VAC14: variants seen among roughly 807,000 people sequenced by gnomAD.
VAC14 encodes protein VAC14 homolog.
In VAC14, 47 loss-of-function variants were observed where a neutral mutation model predicts 85.3. The ratio of observed to expected loss-of-function variants is 0.55; its 90% confidence interval spans 0.44 to 0.70. The LOEUF is 0.70. Among genes scored for constraint, VAC14 ranks in the 30% least tolerant of loss-of-function variants. The pLI is 0.00. For missense variants in VAC14, 861 were observed against 1,004.3 expected (o/e 0.86, Z 1.93); for synonymous variants, 447 against 430.5 (o/e 1.04, Z -0.47).
intron 14 of VAC14, among the ~76,000 whole-genome samples, chr16:70,723,067 T>G (rs1204416940): frequency 2.0e-5 from 3 of 151,846 alleles, no homozygotes; most frequent in Admixed American, 6.6e-5. Context: ...AATACAAAAA[T>G]TAGCCAGGCA....
chr16:70,785,751 C>A lies in VAC14; in HGVS notation c.374G>T (p.Arg125Leu). 6.4e-7 allele frequency: 1 copy of A among 1,574,504 alleles called. No homozygotes were observed. Residue 125 changes from arginine (R) to leucine (L), a missense_variant, in exon 3 of 19, where the codon CGG (arginine) becomes CTG (leucine). Physicochemically the swap from Arg to Leu is moderately radical, Grantham distance 102. This residue lies in a region of VAC14 where 629 missense variants were observed against 703.1 expected (regional missense o/e 0.89). Transcript: ENST00000261776. ...EALYNIVKVA[R>L]GAVLPHFNVL... ...GTTGAAGTGGGGCAGCACAGCGCCCCGGGCCACCTTGACGATGTTGTAGAG... is the reference window on the plus strand; with the variant it reads ...GTTGAAGTGGGGCAGCACAGCGCCCAGGGCCACCTTGACGATGTTGTAGAG...
At chr16:70,692,502 G>A (rs2053616570) in intron 18 of VAC14, among the ~76,000 whole-genome samples, 1 of 152,192 alleles carries the variant, frequency 6.6e-6, no homozygotes, top group South Asian at 2.1e-4. Flanking sequence ...AGGGTCCTCT[G>A]TCTGGGTAAC....
Position 70,753,035 on chromosome 16 carries a change from T to C in VAC14, c.1372-8456A>G, listed in dbSNP as rs527349838. Among the ~76,000 whole-genome samples, 7 of 152,020 alleles carry C rather than the reference T, an allele frequency of 4.6e-5. No homozygotes were observed. The East Asian group carries it at 1.4e-3, about 29-fold the overall frequency. ...GGGTGTGTGTGTGTGTGTGTGTGTG[T>C]GTGTGTGTGTGTCAGACAGATGGAC... On this transcript the variant is annotated intron_variant, in intron 12 of 18. Transcript: ENST00000261776.
chr16:70,698,278 G>T (rs527464717), intron 15 of VAC14, among the ~76,000 whole-genome samples: 34 of 152,306 alleles, frequency 2.2e-4, no homozygotes, highest in Middle Eastern at 3.4e-3. Flanking sequence ...TAAGAGGGTG[G>T]CACCACCATG....
rs1191710883 is a variant in VAC14 at position 70,761,036 on chromosome 16, G to A, written c.1371+1504C>T. On this transcript the variant is annotated intron_variant, in intron 12 of 18. Coordinates refer to ENST00000261776, the MANE Select transcript of VAC14 (RefSeq NM_018052.5). ...GTGTGTGTGCATGGGGGGGCGGGGG[G>A]TAGGCAGGAGAGGCCAAGGGCATAC... 3 of 339,334 alleles carry A rather than the reference G, an allele frequency of 8.8e-6. No individual in the cohort carries two copies. The Admixed American group carries it at 1.0e-4, about 11-fold the overall frequency. The allele number at this position is 339,334 out of a possible 1,614,324, so 21.0% of individuals were successfully genotyped here.
intron 13 of VAC14, among the ~76,000 whole-genome samples, chr16:70,739,021 C>G (rs923894130): frequency 6.6e-6 from 1 of 152,220 alleles, no homozygotes; most frequent in Non-Finnish European, 1.5e-5. Flanking sequence ...TCCAGGGAAG[C>G]CTCCCACAGG....
chr16:70,789,534 C>T (rs548091737), intron 1 of VAC14, among the ~76,000 whole-genome samples: 10 of 152,204 alleles, frequency 6.6e-5, no homozygotes, highest in African/African-American at 9.7e-5. Flanking sequence ...GTAGAATTCT[C>T]GCCTGCCACG....
In VAC14 at chr16:70,692,046, C is replaced by T. The variant is rs962296671; in HGVS notation, c.2186+775G>A. ...TCAGTGGCTCTGCTGGTTTCCATGG[C>T]GACCTGACAAGTGAAATTTTCCATC... On this transcript the variant is annotated intron_variant, in intron 18 of 18. Transcript: ENST00000261776. 24 of 983,858 alleles carry T rather than the reference C, an allele frequency of 2.4e-5. No homozygotes were observed. The Admixed American group carries it at 4.4e-4, about 18-fold the overall frequency. 60.9% of individuals were successfully genotyped at this position (983,858 alleles called of 1,614,324 possible). A position where few individuals can be genotyped will look rare whatever the true frequency, so the allele number is the denominator to read the frequency against.
chr16:70,692,122 TATA>T, intron 18 of VAC14: 2 of 978,750 alleles, frequency 2.0e-6, no homozygotes, highest in Non-Finnish European at 2.4e-6. Flanking sequence ...GGTTACCAAA[TATA>T]GATGCAGCCC....
At chr16:70,779,029 T>G (rs896364992) in intron 9 of VAC14, 2 of 152,166 alleles carry the variant, frequency 1.3e-5, no homozygotes, top group African/African-American at 4.8e-5. Context: ...GCCAAAAAGC[T>G]TTCAGCTGCT....
At chr16:70,725,972 G>A (rs182290605) in intron 14 of VAC14, among the ~76,000 whole-genome samples, 1 of 152,392 alleles carries the variant, frequency 6.6e-6, no homozygotes, top group Non-Finnish European at 1.5e-5. Flanking sequence ...GGGGAAAAAT[G>A]CACAGTCGCT....
intron 12 of VAC14, among the ~76,000 whole-genome samples, chr16:70,757,231 G>C (rs895634315): frequency 6.6e-6 from 1 of 152,216 alleles, no homozygotes; most frequent in African/African-American, 2.4e-5. Context: ...AGCAGGGCTT[G>C]CCTTCTCGAT....
intron 12 of VAC14, among the ~76,000 whole-genome samples, chr16:70,748,156 C>G (rs1244157465): frequency 6.6e-6 from 1 of 152,244 alleles, no homozygotes; most frequent in Non-Finnish European, 1.5e-5. Flanking sequence ...GCTGATAACA[C>G]TACACAGGGT....
At chr16:70,721,962 TC>T (rs1287081883) in intron 14 of VAC14, among the ~76,000 whole-genome samples, 1 of 152,136 alleles carries the variant, frequency 6.6e-6, no homozygotes, top group Non-Finnish European at 1.5e-5. Flanking sequence ...GGAGGGCACC[TC>T]AGCTCTGGGG....
chr16:70,721,888 C>A (rs1346156439), intron 14 of VAC14, among the ~76,000 whole-genome samples: 1 of 152,106 alleles, frequency 6.6e-6, no homozygotes. Context: ...CCACATCAGT[C>A]TCACCATCAG....
chr16:70,743,664 C>T (rs1169337060), intron 13 of VAC14, among the ~76,000 whole-genome samples: 1 of 152,154 alleles, frequency 6.6e-6, no homozygotes, highest in South Asian at 2.1e-4. Context: ...TTGAAGTCAG[C>T]GAAACCAAGA....
intron 9 of VAC14, among the ~76,000 whole-genome samples, chr16:70,779,735 C>T (rs559353983): frequency 2.0e-5 from 3 of 152,306 alleles, no homozygotes; most frequent in African/African-American, 7.2e-5. Flanking sequence ...TGATCAGTGA[C>T]CTCTTGGTGA....
intron 12 of VAC14, among the ~76,000 whole-genome samples, chr16:70,756,941 G>A (rs2031916253): frequency 6.6e-6 from 1 of 152,182 alleles, no homozygotes; most frequent in African/African-American, 2.4e-5. Context: ...CCACTGCCAT[G>A]AATACTGTCC....
chr16:70,769,894 G>C (rs2033088717), intron 10 of VAC14: 2 of 152,268 alleles, frequency 1.3e-5, no homozygotes, highest in Non-Finnish European at 1.5e-5. Flanking sequence ...GCTTTTGGCT[G>C]CCAGAGGGAG....
Sources: gnomAD v4.1 joint callset for allele counts (sites outside exome capture counted in the v4.1 genomes callset) on GRCh38, gnomAD v4.1.1 for gene constraint, gnomAD v4.1.1 regional missense constraint, MANE v1.5 for transcripts, NCBI Gene and HGNC (gene_info 2026-07-23, HGNC 2026-07-21) for gene names.